HNF4A: variants seen among roughly 807,000 people sequenced by gnomAD.
The protein encoded by HNF4A is hepatocyte nuclear factor 4-alpha.
In HNF4A, 15 loss-of-function variants were observed where a neutral mutation model predicts 52.4. The ratio of observed to expected loss-of-function variants is 0.29; its 90% confidence interval spans 0.19 to 0.44. The LOEUF (loss-of-function observed/expected upper bound fraction) is 0.44, where lower values mean the gene tolerates loss of function less well. HNF4A is among the 20% of genes least tolerant of loss of function. The pLI, the probability that HNF4A is intolerant of heterozygous loss-of-function variation, is 1.00. For missense variants in HNF4A, 479 were observed against 647.2 expected (o/e 0.74, Z 2.82); for synonymous variants, 280 against 264.4 (o/e 1.06, Z -0.57).
intron 5 of HNF4A, among the ~76,000 whole-genome samples, 180 bp from the exon 6 acceptor site, chr20:44,418,243 CAT>C (rs1450969948): frequency 6.6e-6 from 1 of 152,190 alleles, no homozygotes; most frequent in Non-Finnish European, 1.5e-5. Flanking sequence ...GCTCTGAGCA[CAT>C]GTTCTTTCCC....
intron 7 of HNF4A, among the ~76,000 whole-genome samples, chr20:44,420,896 C>T (rs1170052999): frequency 6.6e-6 from 1 of 152,176 alleles, no homozygotes; most frequent in Non-Finnish European, 1.5e-5. Context: ...TTTTCCAGCT[C>T]TAAGTCTACT....
Position 44,429,665 on chromosome 20 carries a change from G to A in HNF4A, c.1425G>A (p.Ter475=). The change falls in exon 10 of 10, where the codon TAG becomes TAA. Residue 475 remains the stop codon, a stop_retained_variant. Coordinates refer to ENST00000316099, the MANE Select transcript of HNF4A (RefSeq NM_000457.6). Reference sequence around the variant, plus strand: ...CCATCACCAAGCAGGAAGTTATCTAGCAAGCCGCTGGGGCTTGGGGGCTCC... The same window carrying A: ...CCATCACCAAGCAGGAAGTTATCTAACAAGCCGCTGGGGCTTGGGGGCTCC... 1 of 1,614,052 alleles carries A rather than the reference G, an allele frequency of 6.2e-7. No individual in the cohort carries two copies. Among genetic ancestry groups the A allele is most frequent in the Non-Finnish European group, 8.5e-7 (1 of 1,180,014 alleles).
At chr20:44,377,361 C>T (rs2063096785) in intron 1 of HNF4A, among the ~76,000 whole-genome samples, 1 of 152,162 alleles carries the variant, frequency 6.6e-6, no homozygotes, top group Non-Finnish European at 1.5e-5. Flanking sequence ...GTGATGAATT[C>T]ATTCATACTG....
In HNF4A at chr20:44,385,059, C is replaced by CTTTTTTTTTTTTTTTTTTTTTTTT. The variant is rs775721024; in HGVS notation, c.50-20994_50-20971dup. Among the ~76,000 whole-genome samples, 63 of 34,984 alleles carry CTTTTTTTTTTTTTTTTTTTTTTTT rather than the reference C, an allele frequency of 1.8e-3. 14 individuals are homozygous for CTTTTTTTTTTTTTTTTTTTTTTTT. The highest frequency in any genetic ancestry group is 9.0e-3 in the East Asian group (4 of 442). 23.0% of individuals were successfully genotyped at this position (34,984 alleles called of 152,430 possible). On this transcript the variant is annotated intron_variant, in intron 1 of 9. Transcript: ENST00000316673. ...AGTGGTTTCAGCTGAACTCTGTGAT[C>CTTTTTTTTTTTTTTTTTTTTTTTT]TTTTTTTTTTTTTTTTTTTTTTTTT...
chr20:44,406,124 C>A lies in HNF4A; in HGVS notation c.182C>A (p.Ala61Asp). 6.2e-7 allele frequency: 1 copy of A among 1,613,756 alleles called. No individual in the cohort carries two copies. Among genetic ancestry groups the A allele is most frequent in the Non-Finnish European group, 8.5e-7 (1 of 1,180,020 alleles). The change falls in exon 2 of 10, where the codon GCC (alanine) becomes GAC (aspartate). Residue 61 changes from alanine (A) to aspartate (D), a missense_variant. Ala to Asp is a moderately radical substitution (Grantham distance 126). Coordinates refer to ENST00000316099, the MANE Select transcript of HNF4A (RefSeq NM_000457.6). ...AGCCTGGGTGTCAGCGCCCTGTGTG[C>A]CATCTGCGGGGACCGGGCCACGGGC...
intron 6 of HNF4A, 73 bp downstream of exon 6, chr20:44,418,585 G>A: frequency 8.8e-7 from 1 of 1,138,542 alleles, no homozygotes; most frequent in Non-Finnish European, 1.3e-6. Context: ...CAGGCAAGGA[G>A]ATTCACATGG....
chr20:44,421,839 ATTACG>A (rs2063750526), intron 7 of HNF4A, among the ~76,000 whole-genome samples: 2 of 147,216 alleles, frequency 1.4e-5, no homozygotes, highest in Non-Finnish European at 3.0e-5. Flanking sequence ...ATAGTGATAT[ATTACG>A]TATAATATAT....
At chr20:44,394,200 G>C (rs541657170) in intron 1 of HNF4A, among the ~76,000 whole-genome samples, 2 of 152,242 alleles carry the variant, frequency 1.3e-5, no homozygotes, top group South Asian at 4.1e-4. Context: ...TTGCAGAGCC[G>C]TCTTGTTCAC....
rs1340867110 is a variant in HNF4A at position 44,403,816 on chromosome 20, A to C, written c.116-2242A>C. Among the ~76,000 whole-genome samples the C allele has an allele frequency of 2.6e-5, 4 of 152,154 alleles. No homozygotes were observed. The East Asian group carries it at 7.7e-4, about 29-fold the overall frequency. ...CTCAGTGTCCTCATCTGTGGAATAGAGGTGCTCGGCTGACCTCAGAGGGGA... is the reference window on the plus strand; with the variant it reads ...CTCAGTGTCCTCATCTGTGGAATAGCGGTGCTCGGCTGACCTCAGAGGGGA... On this transcript the variant is annotated intron_variant, in intron 1 of 9. Transcript: ENST00000316099.
At chr20:44,393,588 C>T (rs1323363446) in intron 1 of HNF4A, among the ~76,000 whole-genome samples, 1 of 152,190 alleles carries the variant, frequency 6.6e-6, no homozygotes, top group Non-Finnish European at 1.5e-5. Flanking sequence ...GCTCAACCTC[C>T]CTGTGCCTCT....
chr20:44,419,036 A>G (rs2063706856), intron 6 of HNF4A, among the ~76,000 whole-genome samples: 1 of 152,154 alleles, frequency 6.6e-6, no homozygotes, highest in South Asian at 2.1e-4. Context: ...TCAGTCTCCC[A>G]AAGTGCTGGG....
intron 1 of HNF4A, among the ~76,000 whole-genome samples, chr20:44,405,088 G>GTGTGTGTGGACTGTGTGGTGCA (rs2063480652): frequency 1.8e-4 from 1 of 5,672 alleles, no homozygotes; most frequent in African/African-American, 5.9e-4. Flanking sequence ...TGTGTGGTGC[G>GTGTGTGTGGACTGTGTGGTGCA]TGTGTGTGCT....
Position 44,429,515 on chromosome 20 carries a change from C to T in HNF4A, c.1283-8C>T. ...GAGCAGCCCCTGTCTGTCTGTTTGT[C>T]CTTCCAGCCACCCCTGAGACCCCAC... On this transcript the variant is annotated splice_region_variant and splice_polypyrimidine_tract_variant and intron_variant, in intron 9 of 9. Coordinates refer to ENST00000316099, the MANE Select transcript of HNF4A (RefSeq NM_000457.6). The T allele has an allele frequency of 1.9e-6, 3 of 1,614,152 alleles. No homozygotes were observed. The highest frequency in any genetic ancestry group is 2.5e-6 in the Non-Finnish European group (3 of 1,180,012).
chr20:44,362,137 G>A (rs953561813), intron 1 of HNF4A, among the ~76,000 whole-genome samples: 1 of 152,008 alleles, frequency 6.6e-6, no homozygotes, highest in Non-Finnish European at 1.5e-5. Context: ...GCTGGGCATG[G>A]TGGCTTATTG....
chr20:44,383,165 CA>C (rs529971961), intron 1 of HNF4A, among the ~76,000 whole-genome samples: 1 of 151,444 alleles, frequency 6.6e-6, no homozygotes, highest in Non-Finnish European at 1.5e-5. Flanking sequence ...GACCCTGTCT[CA>C]AAAAAAACAA....
chr20:44,429,831 C>T lies in HNF4A; in HGVS notation c.*166C>T. ...AACATGGCCTAAGGGCCACATCCCA[C>T]TGCCACCCTTGACGCCCTGCTCTGG... is the stretch of plus-strand genomic sequence containing the variant. On this transcript the variant is annotated 3_prime_UTR_variant, in exon 10 of 10. Coordinates refer to ENST00000316099, the MANE Select transcript of HNF4A (RefSeq NM_000457.6). 1.5e-6 allele frequency: 1 copy of T among 689,432 alleles called. No homozygotes were observed. Among genetic ancestry groups the T allele is most frequent in the Non-Finnish European group, 2.5e-6 (1 of 407,366 alleles). The allele number at this position is 689,432 out of a possible 1,614,324, so 42.7% of individuals were successfully genotyped here. A position where few individuals can be genotyped will look rare whatever the true frequency, so the allele number is the denominator to read the frequency against.
chr20:44,429,704 A>G lies in HNF4A; in HGVS notation c.*39A>G. On this transcript the variant is annotated 3_prime_UTR_variant, in exon 10 of 10. Transcript: ENST00000316099. ...CTTGGGGGCTCCACTGGCTCCCCCC[A>G]GCCCCCTAAGAGAGCACCTGGTGAT... The G allele has an allele frequency of 6.2e-7, 1 of 1,606,366 alleles. No individual in the cohort carries two copies. The highest frequency in any genetic ancestry group is 8.5e-7 in the Non-Finnish European group (1 of 1,173,802).
In HNF4A at chr20:44,428,414, C is replaced by T. The variant is rs749375393; in HGVS notation, c.1209C>T (p.Ile403=). 10 of 1,614,028 alleles carry T rather than the reference C, an allele frequency of 6.2e-6. No homozygotes were observed. In the African/African-American group the frequency reaches 6.7e-5, roughly 11 times the overall value. ...AGGAACATATGGGAACCAACGTCATCGTTGCCAACACAATGCCCACTCACC... is the reference window on the plus strand; with the variant it reads ...AGGAACATATGGGAACCAACGTCATTGTTGCCAACACAATGCCCACTCACC... The change falls in exon 9 of 10, where the codon ATC becomes ATT. Residue 403 remains isoleucine (I), a synonymous_variant. Coordinates refer to ENST00000316099, the MANE Select transcript of HNF4A (RefSeq NM_000457.6).
In HNF4A at chr20:44,381,318, T is replaced by C. The variant is rs6031573; in HGVS notation, c.50-24740T>C. On this transcript the variant is annotated intron_variant, in intron 1 of 9. Coordinates refer to the HNF4A transcript ENST00000316673. Reference sequence around the variant, plus strand: ...TTTTTTGAGACAGAGTTTTACTCTGTCACCCAGGCTGGAGTGCAGTGGCAC... The same window carrying C: ...TTTTTTGAGACAGAGTTTTACTCTGCCACCCAGGCTGGAGTGCAGTGGCAC... 4.2e-3 allele frequency among the ~76,000 whole-genome samples: 614 copies of C among 147,890 alleles called. 9 individuals carry two copies. Among genetic ancestry groups the C allele is most frequent in the African/African-American group, 0.014 (553 of 39,566 alleles).
Sources: gnomAD v4.1 joint callset for allele counts (sites outside exome capture counted in the v4.1 genomes callset) on GRCh38, gnomAD v4.1.1 for gene constraint, MANE v1.5 for transcripts, NCBI Gene and HGNC (gene_info 2026-07-23, HGNC 2026-07-21) for gene names.